Variants in NTRK3 observed in about 807,000 individuals in gnomAD.
NTRK3 encodes NT-3 growth factor receptor.
A neutral mutation model predicts 91.7 loss-of-function variants in NTRK3; 24 were observed. The observed-to-expected ratio is 0.26, with a 90% confidence interval of 0.19 to 0.37. The LOEUF is 0.37. NTRK3 is among the 10% of genes least tolerant of loss of function. The probability of loss-of-function intolerance (pLI) is 1.00; values close to 1 mark genes in which losing one functional copy is unlikely to be tolerated. For missense variants in NTRK3, 880 were observed against 1,068.9 expected (o/e 0.82, Z 2.46); for synonymous variants, 483 against 404.0 (o/e 1.20, Z -2.34).
chr15:87,911,740 T>C (rs1238985515), intron 17 of NTRK3, among the ~76,000 whole-genome samples: 16 of 152,210 alleles, frequency 1.1e-4, no homozygotes, highest in Admixed American at 6.5e-4. Context: ...TTAAGCATCA[T>C]CCCAGATCAG....
chr15:88,043,031 G>A (rs370627367), intron 13 of NTRK3, among the ~76,000 whole-genome samples: 1 of 152,184 alleles, frequency 6.6e-6, no homozygotes, highest in Non-Finnish European at 1.5e-5. Context: ...AACTGGCTTT[G>A]TTTAGGAAAG....
chr15:87,880,139 C>T (rs1034201172), intron 18 of NTRK3, 131 bp downstream of exon 19: 37 of 1,134,336 alleles, frequency 3.3e-5, no homozygotes, highest in Middle Eastern at 2.8e-4. Context: ...TCTCTGCTCC[C>T]ACTAATGCCT....
chr15:88,241,088 C>T lies in NTRK3; in HGVS notation c.248+14818G>A, dbSNP rs1007435748. Among the ~76,000 whole-genome samples the T allele has an allele frequency of 2.6e-4, 40 of 152,306 alleles. No individual in the cohort carries two copies. Among genetic ancestry groups the T allele is most frequent in the African/African-American group, 9.1e-4 (38 of 41,572 alleles). On this transcript the variant is annotated intron_variant, in intron 3 of 18. Coordinates refer to ENST00000394480, the Ensembl canonical transcript of NTRK3. The surrounding 1 kb of genome is among the most constrained non-coding windows in gnomAD (Gnocchi z 4.3). ...CTGAATAAGCCTCAATGCCAGCCTT[C>T]AGGAGCTCACCACACAGTGAGGAAA...
Position 87,944,431 on chromosome 15 carries a change from C to T in NTRK3, c.1586-3678G>A, listed in dbSNP as rs79942457. 1.6e-3 allele frequency among the ~76,000 whole-genome samples: 238 copies of T among 152,360 alleles called. 1 individual carries two copies. Among genetic ancestry groups the T allele is most frequent in the East Asian group, 8.5e-3 (44 of 5,188 alleles). ...TACTGTGTGTTCAACACTTGATTCT[C>T]ATCATAATCCTGAGAGACTGAGAGA... On this transcript the variant is annotated intron_variant, in intron 14 of 18. Coordinates refer to ENST00000394480, the Ensembl canonical transcript of NTRK3.
At chr15:87,931,111 G>T in intron 16 of NTRK3, 17 of 417,596 alleles carry the variant, frequency 4.1e-5, no homozygotes, top group South Asian at 2.2e-4. Context: ...TTTACTCTAG[G>T]CTCTCACTCT....
At chr15:87,908,502 G>T (rs552657003) in intron 17 of NTRK3, 1 of 399,800 alleles carries the variant, frequency 2.5e-6, no homozygotes, top group East Asian at 3.6e-5. Context: ...GGAAGCTGCC[G>T]TTGCTGCTAG....
chr15:87,978,917 G>A (rs903511854), intron 14 of NTRK3: 3 of 319,832 alleles, frequency 9.4e-6, no homozygotes, highest in Admixed American at 4.6e-5. Context: ...TATCCTGGGA[G>A]AGCCAGGGAG....
At chr15:88,002,423 C>A (rs199775903) in intron 14 of NTRK3, among the ~76,000 whole-genome samples, 4 of 151,964 alleles carry the variant, frequency 2.6e-5, no homozygotes, top group Admixed American at 2.0e-4. Context: ...TGTGCCCCAG[C>A]CCTCATCCCT....
At chr15:87,884,764 GC>G (rs2065442770) in intron 17 of NTRK3, among the ~76,000 whole-genome samples, 1 of 151,638 alleles carries the variant, frequency 6.6e-6, no homozygotes, top group Admixed American at 6.6e-5. Flanking sequence ...TTTCAAAAAT[GC>G]CAAAAATTTC....
chr15:88,056,005 A>G (rs971557180), intron 13 of NTRK3, among the ~76,000 whole-genome samples: 1 of 152,018 alleles, frequency 6.6e-6, no homozygotes, highest in African/African-American at 2.4e-5. Context: ...ATAGTACTGC[A>G]TGTAGGTTAA....
At chr15:88,002,189 T>G (rs938691982) in intron 14 of NTRK3, among the ~76,000 whole-genome samples, 5 of 148,482 alleles carry the variant, frequency 3.4e-5, no homozygotes, top group Non-Finnish European at 7.4e-5. Context: ...TTTTTTTTTT[T>G]TTTTTTCCAA....
chr15:87,928,994 G>A, intron 17 of NTRK3, 197 bp downstream of exon 17: 1 of 674,928 alleles, frequency 1.5e-6, no homozygotes, highest in Non-Finnish European at 2.6e-6. Flanking sequence ...GAAGAAAGAA[G>A]GAGTGGGCAA....
intron 14 of NTRK3, among the ~76,000 whole-genome samples, chr15:87,975,192 C>T (rs182613909): frequency 1.3e-5 from 2 of 152,252 alleles, no homozygotes; most frequent in East Asian, 3.9e-4. Flanking sequence ...GTTCCAGGAC[C>T]TCATCATGTA....
intron 3 of NTRK3, among the ~76,000 whole-genome samples, chr15:88,185,274 C>A (rs556257039): frequency 6.6e-6 from 1 of 152,216 alleles, no homozygotes; most frequent in Non-Finnish European, 1.5e-5. Flanking sequence ...TCAACAGACA[C>A]AAACCCGTGC....
intron 5 of NTRK3, among the ~76,000 whole-genome samples, chr15:88,167,118 TAG>T (rs1357414293): frequency 6.6e-6 from 1 of 152,184 alleles, no homozygotes; most frequent in Non-Finnish European, 1.5e-5. Context: ...AATCACCTAA[TAG>T]AGATTTTGAA....
chr15:88,077,809 T>C (rs2047684261), intron 13 of NTRK3, among the ~76,000 whole-genome samples: 1 of 152,218 alleles, frequency 6.6e-6, no homozygotes, highest in Admixed American at 6.5e-5. Context: ...CAAGGAACTT[T>C]ACCCTGTTTG....
intron 17 of NTRK3, chr15:87,925,752 A>T (rs2068253493): frequency 1.1e-5 from 2 of 178,718 alleles, no homozygotes; most frequent in Admixed American, 1.3e-4. Flanking sequence ...TTGAAACCTT[A>T]AGAAAGACAT....
At chr15:87,926,383 A>T (rs1433176516) in intron 17 of NTRK3, among the ~76,000 whole-genome samples, 1 of 152,210 alleles carries the variant, frequency 6.6e-6, no homozygotes, top group African/African-American at 2.4e-5. Flanking sequence ...TGTGCTGTGT[A>T]TTTACTGTAA....
chr15:88,183,527 T>C lies in NTRK3; in HGVS notation c.324-38A>G, dbSNP rs373082320. The C allele has an allele frequency of 1.3e-5, 21 of 1,587,212 alleles. No individual in the cohort carries two copies. In the African/African-American group the frequency reaches 1.6e-4, roughly 12 times the overall value. Reference sequence around the variant, plus strand: ...AAAAAGAGGATCAGCAGAGCTCAAGTGGCAGAGGGATATCTGCTCTGGGCT... The same window carrying C: ...AAAAAGAGGATCAGCAGAGCTCAAGCGGCAGAGGGATATCTGCTCTGGGCT... On this transcript the variant is annotated intron_variant, in intron 4 of 18. Coordinates refer to ENST00000394480, the Ensembl canonical transcript of NTRK3.
Sources: allele counts gnomAD v4.1 joint callset (sites outside exome capture counted in the v4.1 genomes callset), GRCh38; gene constraint gnomAD v4.1.1; non-coding constraint Gnocchi (gnomAD v3.1); transcripts MANE v1.5; gene names NCBI Gene and HGNC (gene_info 2026-07-23, HGNC 2026-07-21).